PAK5: variants seen among roughly 807,000 people sequenced by gnomAD.
PAK5 encodes the protein p21 (RAC1) activated kinase 5.
Under a neutral mutation model 65.9 loss-of-function variants are expected in PAK5, and 16 were observed. That is an observed-to-expected ratio of 0.24 (90% confidence interval 0.16 to 0.37). PAK5 has a LOEUF of 0.37. Ranked by LOEUF, PAK5 falls within the 10% of genes least tolerant of loss-of-function variation. The pLI, the probability that PAK5 is intolerant of heterozygous loss-of-function variation, is 1.00. For synonymous variants in PAK5, 371 were observed against 354.9 expected (o/e 1.05, Z -0.51); for missense variants, 785 against 903.9 (o/e 0.87, Z 1.69).
At chr20:9,715,669 G>T in intron 1 of PAK5, among the ~76,000 whole-genome samples, 1 of 151,848 alleles carries the variant, frequency 6.6e-6, no homozygotes, top group East Asian at 1.9e-4. Context: ...ATGATAGACA[G>T]AATTAAGAAA....
At chr20:9,668,666 T>C (rs1362275261) in intron 2 of PAK5, among the ~76,000 whole-genome samples, 1 of 152,222 alleles carries the variant, frequency 6.6e-6, no homozygotes, top group East Asian at 1.9e-4. Flanking sequence ...TGGAGTGGCA[T>C]GCTCAAACCA....
At position 9,662,281 on chromosome 20, in the gene PAK5, T is replaced by C. The variant is rs78351555; in HGVS notation, c.-11-17942A>G. Among the ~76,000 whole-genome samples the C allele has an allele frequency of 4.3e-3, 660 of 152,258 alleles. 2 individuals are homozygous for C. Among genetic ancestry groups the C allele is most frequent in the Middle Eastern group, 0.024 (7 of 292 alleles). Reference sequence around the variant, plus strand: ...TCACCATGTTCAATCAATATGATTATGGGAATGCTGGTTTAGGATGATGGC... The same window carrying C: ...TCACCATGTTCAATCAATATGATTACGGGAATGCTGGTTTAGGATGATGGC... On this transcript the variant is annotated intron_variant, in intron 2 of 9. Coordinates refer to ENST00000353224, the MANE Select transcript of PAK5 (RefSeq NM_177990.4).
chr20:9,695,544 C>A (rs1453905869), intron 2 of PAK5, among the ~76,000 whole-genome samples: 1 of 151,978 alleles, frequency 6.6e-6, no homozygotes, highest in Non-Finnish European at 1.5e-5. Flanking sequence ...AATGCAGTGA[C>A]CTTTAATAAC....
intron 1 of PAK5, among the ~76,000 whole-genome samples, chr20:9,743,421 A>C (rs1312824106): frequency 1.3e-5 from 2 of 151,274 alleles, no homozygotes; most frequent in Non-Finnish European, 2.9e-5. Context: ...AAAACAAAAC[A>C]AAACAAACAA....
chr20:9,834,058 C>A (rs221015), intron 1 of PAK5, among the ~76,000 whole-genome samples: 8 of 152,002 alleles, frequency 5.3e-5, no homozygotes, highest in African/African-American at 1.4e-4. Flanking sequence ...TTCCTTTAGG[C>A]TTTAATTGAT....
chr20:9,605,928 T>A (rs1600130098), intron 3 of PAK5, among the ~76,000 whole-genome samples: 1 of 152,014 alleles, frequency 6.6e-6, no homozygotes, highest in Non-Finnish European at 1.5e-5. Flanking sequence ...AGACTCCATC[T>A]CAAAAAAAAG....
chr20:9,811,802 A>C (rs991098311), intron 1 of PAK5, among the ~76,000 whole-genome samples: 3 of 152,212 alleles, frequency 2.0e-5, no homozygotes, highest in Non-Finnish European at 4.4e-5. Flanking sequence ...GGAAGAAGTT[A>C]CTATGCTCCT....
rs2045673358 is a variant in PAK5, at chr20:9,566,127, C to A, written c.1248G>T (p.Trp416Cys). 1 of 1,613,552 alleles carries A rather than the reference C, an allele frequency of 6.2e-7. No individual in the cohort carries two copies. The highest frequency in any genetic ancestry group is 1.3e-5 in the African/African-American group (1 of 74,800). Residue 416 changes from tryptophan to cysteine, a missense_variant, in exon 5 of 10, where the codon TGG becomes TGT. This residue lies in a region of PAK5 where 422 missense variants were observed against 413.3 expected (regional missense o/e 1.02). Coordinates refer to ENST00000353224, the MANE Select transcript of PAK5 (RefSeq NM_177990.4). ...LSSSTYPPPS[W>C]GSSSDQQPSR... ...AGGGCTGCTGGTCGGAGGAGGAGCCCCAGCTGGGCGGCGGGTAGGTGCTGG... is the reference window on the plus strand; with the variant it reads ...AGGGCTGCTGGTCGGAGGAGGAGCCACAGCTGGGCGGCGGGTAGGTGCTGG...
chr20:9,704,395 C>T (rs2047979653), intron 2 of PAK5, among the ~76,000 whole-genome samples: 1 of 152,132 alleles, frequency 6.6e-6, no homozygotes, highest in Non-Finnish European at 1.5e-5. Flanking sequence ...CTCTAATAGC[C>T]ACTTTGTGTT....
At chr20:9,764,089 C>A (rs10470072) in intron 1 of PAK5, among the ~76,000 whole-genome samples, 2 of 151,886 alleles carry the variant, frequency 1.3e-5, no homozygotes, top group East Asian at 3.9e-4. Flanking sequence ...CCACCTTAAA[C>A]CAATAATGTC....
intron 7 of PAK5, among the ~76,000 whole-genome samples, chr20:9,553,543 T>C (rs559865726): frequency 6.6e-6 from 1 of 151,966 alleles, no homozygotes; most frequent in African/African-American, 2.4e-5. Context: ...TTTCTATAAT[T>C]ATGTTATTTC....
At position 9,599,296 on chromosome 20, in the gene PAK5, C is replaced by T. The variant is rs115283419; in HGVS notation, c.205-18366G>A. On this transcript the variant is annotated intron_variant, in intron 3 of 9. Coordinates refer to ENST00000353224, the MANE Select transcript of PAK5 (RefSeq NM_177990.4). ...TTGGATTGTTGCACCTTTTGGCTGT[C>T]GTGAATAATGCTCCTGTGAACATTG... Among the ~76,000 whole-genome samples the T allele has an allele frequency of 8.6e-3, 1,311 of 152,264 alleles. 14 individuals carry two copies. Among genetic ancestry groups the T allele is most frequent in the African/African-American group, 0.029 (1,200 of 41,554 alleles).
intron 1 of PAK5, among the ~76,000 whole-genome samples, chr20:9,831,649 AG>A (rs992190505): frequency 5.9e-5 from 9 of 152,142 alleles, no homozygotes; most frequent in African/African-American, 2.2e-4. Flanking sequence ...CTGAAATCAG[AG>A]GCGTGCGCCA....
At chr20:9,742,455 C>T (rs1363942777) in intron 1 of PAK5, among the ~76,000 whole-genome samples, 1 of 152,110 alleles carries the variant, frequency 6.6e-6, no homozygotes, top group Non-Finnish European at 1.5e-5. Flanking sequence ...GCAATAAAAG[C>T]ATCTAAATAT....
At chr20:9,814,394 T>C (rs1008664083) in intron 1 of PAK5, among the ~76,000 whole-genome samples, 6 of 152,168 alleles carry the variant, frequency 3.9e-5, no homozygotes, top group Admixed American at 3.9e-4. Context: ...GTGTCTAGCA[T>C]GTCTTGAAAA....
At chr20:9,573,168 T>C (rs1024867348) in intron 4 of PAK5, among the ~76,000 whole-genome samples, 1 of 152,016 alleles carries the variant, frequency 6.6e-6, no homozygotes, top group Non-Finnish European at 1.5e-5. Flanking sequence ...TTGTATACCA[T>C]ATAAATTAAT....
At chr20:9,797,188 C>A (rs1306021431) in intron 1 of PAK5, among the ~76,000 whole-genome samples, 1 of 151,726 alleles carries the variant, frequency 6.6e-6, no homozygotes, top group East Asian at 1.9e-4. Flanking sequence ...TAAATGTCTT[C>A]TTTTGAGAAG....
chr20:9,692,006 T>A (rs1456999326), intron 2 of PAK5, among the ~76,000 whole-genome samples: 1 of 152,178 alleles, frequency 6.6e-6, no homozygotes, highest in Non-Finnish European at 1.5e-5. Flanking sequence ...GCATCCTGTT[T>A]AAGTCCATGT....
chr20:9,750,850 A>C (rs552510227), intron 1 of PAK5, among the ~76,000 whole-genome samples: 1 of 152,044 alleles, frequency 6.6e-6, no homozygotes, highest in Non-Finnish European at 1.5e-5. Flanking sequence ...TACCACCTCC[A>C]CCAATAAAAT....
Sources: allele counts gnomAD v4.1 joint callset (sites outside exome capture counted in the v4.1 genomes callset), GRCh38; gene constraint gnomAD v4.1.1; regional missense constraint gnomAD v4.1.1; transcripts MANE v1.5; gene names NCBI Gene and HGNC (gene_info 2026-07-23, HGNC 2026-07-21).